PEG3: variants seen among roughly 807,000 people sequenced by gnomAD.
PEG3 encodes the protein paternally expressed 3.
A neutral mutation model predicts 35.5 loss-of-function variants in PEG3; 23 were observed. That is an observed-to-expected ratio of 0.65 (90% CI 0.47 to 0.92). The LOEUF (loss-of-function observed/expected upper bound fraction) is 0.92, where lower values mean the gene tolerates loss of function less well. PEG3 is among the 40% of genes least tolerant of loss of function. The probability of loss-of-function intolerance (pLI) is 0.00; values close to 1 mark genes in which losing one functional copy is unlikely to be tolerated. For missense variants in PEG3, 1,960 were observed against 1,985.3 expected, an observed-to-expected ratio of 0.99 and a Z score of 0.24; for synonymous variants, 707 against 697.0, an observed-to-expected ratio of 1.01 and a Z score of -0.23.
chr19:56,830,838 T>A (rs570183195), intron 2 of PEG3, among the ~76,000 whole-genome samples: 14 of 152,156 alleles, frequency 9.2e-5, no homozygotes, highest in African/African-American at 3.4e-4. Flanking sequence ...AAGAGGCTGA[T>A]GCAGGGGGGC....
intron 5 of PEG3, 67 bp downstream of exon 5, chr19:56,823,526 T>A: frequency 6.3e-7 from 1 of 1,597,488 alleles, no homozygotes; most frequent in Non-Finnish European, 8.6e-7. Context: ...CAACCCACTG[T>A]GTCTCCATCT....
chr19:56,813,938 C>T lies in PEG3; in HGVS notation c.4504G>A (p.Glu1502Lys). 1 of 1,614,160 alleles carries T rather than the reference C, an allele frequency of 6.2e-7. No homozygotes were observed. Among genetic ancestry groups the T allele is most frequent in the Non-Finnish European group, 8.5e-7 (1 of 1,180,020 alleles). Residue 1502 changes from glutamate to lysine, a missense_variant, in exon 10 of 10, where the codon GAA (glutamate) becomes AAA (lysine). Physicochemically the swap from Glu to Lys is moderately conservative, Grantham distance 56. Coordinates refer to ENST00000326441, the MANE Select transcript of PEG3 (RefSeq NM_006210.3). Reference sequence around the variant, plus strand: ...CATTCATGGCAGTCATAGTATGGTTCTTCTACCTGAATCTCTTGATCTTCA... The same window carrying T: ...CATTCATGGCAGTCATAGTATGGTTTTTCTACCTGAATCTCTTGATCTTCA... Reference protein sequence around the residue: ...EGEDQEIQVEEPYYDCHECTE... With the variant: ...EGEDQEIQVEKPYYDCHECTE...
In PEG3 at chr19:56,810,415, C is replaced by A; in HGVS notation, c.*3260G>T. On this transcript the variant is annotated 3_prime_UTR_variant, in exon 10 of 10. Transcript: ENST00000326441. ...CAACTATTTCTTGTTTTTCATCTTTCTTCCCATCTTTGACATTTATGCATA... is the reference window on the plus strand; with the variant it reads ...CAACTATTTCTTGTTTTTCATCTTTATTCCCATCTTTGACATTTATGCATA... 1 of 985,094 alleles carries A rather than the reference C, an allele frequency of 1.0e-6. No homozygotes were observed. Among genetic ancestry groups the A allele is most frequent in the African/African-American group, 1.7e-5 (1 of 57,346 alleles). 61.0% of individuals were successfully genotyped at this position (985,094 alleles called of 1,614,324 possible).
Position 56,814,303 on chromosome 19 carries a change from A to C in PEG3, c.4139T>G (p.Val1380Gly). The C allele has an allele frequency of 6.2e-7, 1 of 1,614,126 alleles. No individual in the cohort carries two copies. Among genetic ancestry groups the C allele is most frequent in the Non-Finnish European group, 8.5e-7 (1 of 1,180,042 alleles). The change falls in exon 10 of 10, where the codon GTT becomes GGT. Residue 1380 changes from valine to glycine, a missense_variant. By Grantham distance (109) the Val-to-Gly change is moderately radical. Around this residue, in one of 5 missense-constraint regions of PEG3, gnomAD observed 416 missense variants for 416.7 expected, o/e 1.00. Transcript: ENST00000326441. This position sits in a 1 kb window ranked among gnomAD's most constrained non-coding sequence, Gnocchi z 5.8. The stretch of plus-strand genomic sequence containing the variant: ...CTGAATCCTCAGAACTACTTGTGGA[A>C]CATGGACATTGGCTTCAACTTCCTG... ...AAQEVEANVHVPQVVLRIQGL... is the reference protein window; with the variant it reads ...AAQEVEANVHGPQVVLRIQGL...
Position 56,820,217 on chromosome 19 carries a change from ACATGAT to A in PEG3, c.669+1428_669+1433del, listed in dbSNP as rs567396923. Among the ~76,000 whole-genome samples the A allele has an allele frequency of 2.6e-5, 4 of 152,380 alleles. No homozygotes were observed. In the East Asian group the frequency reaches 7.7e-4, roughly 29 times the overall value. On this transcript the variant is annotated intron_variant, in intron 7 of 9. Transcript: ENST00000326441. ...AGTATGGCTCAATGTAGTTTTCACA[ACATGAT>A]CTATACATGTGAACAATTAAGAAAT...
At chr19:56,839,537 C>G (rs911557968) in intron 1 of PEG3, among the ~76,000 whole-genome samples, 1 of 152,018 alleles carries the variant, frequency 6.6e-6, no homozygotes, top group Non-Finnish European at 1.5e-5. Flanking sequence ...CAGCAGCCCC[C>G]ATCAAACATG....
intron 1 of PEG3, among the ~76,000 whole-genome samples, chr19:56,837,192 T>C (rs566124939): frequency 6.6e-6 from 1 of 152,172 alleles, no homozygotes; most frequent in South Asian, 2.1e-4. Context: ...GGCAGCCCTC[T>C]AGCGGCTCTG....
At position 56,811,848 on chromosome 19, in the gene PEG3, A is replaced by C. The variant is rs527266492; in HGVS notation, c.*1827T>G. The C allele has an allele frequency of 3.0e-6, 3 of 985,508 alleles. No homozygotes were observed. The African/African-American group carries it at 5.2e-5, about 17-fold the overall frequency. The allele number at this position is 985,508 out of a possible 1,614,324, so 61.0% of individuals were successfully genotyped here. On this transcript the variant is annotated 3_prime_UTR_variant, in exon 10 of 10. Transcript: ENST00000326441. Reference sequence around the variant, plus strand: ...CATTCTCAGAAACCTGGCCTTCTACAGTTCTTGCCTCTGGTGTTTTCTTCT... The same window carrying C: ...CATTCTCAGAAACCTGGCCTTCTACCGTTCTTGCCTCTGGTGTTTTCTTCT...
Position 56,813,409 on chromosome 19 carries a change from G to A in PEG3, c.*266C>T. On this transcript the variant is annotated 3_prime_UTR_variant, in exon 10 of 10. Transcript: ENST00000326441. ...CTCTGTAGTCTGGAATACTCATAGG[G>A]TTTTCTCAATCTGATTACTTGGAAA... The A allele has an allele frequency of 7.9e-7, 1 of 1,271,246 alleles. No homozygotes were observed. The highest frequency in any genetic ancestry group is 9.9e-7 in the Non-Finnish European group (1 of 1,006,276). The allele number at this position is 1,271,246 out of a possible 1,614,324, so 78.7% of individuals were successfully genotyped here.
At chr19:56,819,489 G>A (rs1272481563) in intron 7 of PEG3, among the ~76,000 whole-genome samples, 1 of 152,204 alleles carries the variant, frequency 6.6e-6, no homozygotes, top group Non-Finnish European at 1.5e-5. Context: ...TGGTTTCAGG[G>A]AGTCATGGTC....
At chr19:56,834,569 C>T (rs2061890341) in intron 2 of PEG3, among the ~76,000 whole-genome samples, 1 of 152,188 alleles carries the variant, frequency 6.6e-6, no homozygotes, top group Admixed American at 6.5e-5. Flanking sequence ...ACAGGAACAT[C>T]CTATTTCAAG....
Position 56,817,739 on chromosome 19 carries a change from T to G in PEG3, c.862+7A>C. On this transcript the variant is annotated splice_region_variant and intron_variant, in intron 9 of 9. Coordinates refer to ENST00000326441, the MANE Select transcript of PEG3 (RefSeq NM_006210.3). ...TGGCTCCTCTGTGGGATGTGCCTCCTGCTTACCTCGACTGGTGCTTGGGTA... is the reference window on the plus strand; with the variant it reads ...TGGCTCCTCTGTGGGATGTGCCTCCGGCTTACCTCGACTGGTGCTTGGGTA... The G allele has an allele frequency of 6.2e-7, 1 of 1,613,098 alleles. No individual in the cohort carries two copies. Among genetic ancestry groups the G allele is most frequent in the Non-Finnish European group, 8.5e-7 (1 of 1,179,074 alleles).
chr19:56,831,150 G>C (rs935903355), intron 2 of PEG3, among the ~76,000 whole-genome samples: 1 of 152,062 alleles, frequency 6.6e-6, no homozygotes, highest in African/African-American at 2.4e-5. Flanking sequence ...GTGGGAGGTG[G>C]TTTGTCTGTA....
Position 56,811,969 on chromosome 19 carries a change from C to T in PEG3, c.*1706G>A, listed in dbSNP as rs1488221045. 5 of 985,426 alleles carry T rather than the reference C, an allele frequency of 5.1e-6. No homozygotes were observed. The East Asian group carries it at 3.4e-4, about 67-fold the overall frequency. 61.0% of individuals were successfully genotyped at this position (985,426 alleles called of 1,614,324 possible). On this transcript the variant is annotated 3_prime_UTR_variant, in exon 10 of 10. Transcript: ENST00000326441. ...TTCTTGCTCTCAGCTCTACAATCTT[C>T]CTAAACTTTGACACTCCCTGCATCT...
At chr19:56,825,413 T>A (rs1266686974) in intron 3 of PEG3, among the ~76,000 whole-genome samples, 1 of 152,276 alleles carries the variant, frequency 6.6e-6, no homozygotes, top group South Asian at 2.1e-4. Context: ...AAAGGTCTAA[T>A]CTGTCTAAAA....
chr19:56,819,566 A>G (rs2146262180), intron 7 of PEG3, among the ~76,000 whole-genome samples: 1 of 152,316 alleles, frequency 6.6e-6, no homozygotes, highest in South Asian at 2.1e-4. Context: ...GGAAGCCCAC[A>G]GGCTTTGGAG....
At chr19:56,833,455 T>G in intron 2 of PEG3, 1 of 317,100 alleles carries the variant, frequency 3.2e-6, no homozygotes, top group Non-Finnish European at 6.2e-6. Flanking sequence ...AGCACGCACA[T>G]GGAGTAAGAT....
intron 2 of PEG3, among the ~76,000 whole-genome samples, chr19:56,834,694 A>G (rs1050753840): frequency 1.3e-5 from 2 of 152,170 alleles, no homozygotes; most frequent in Admixed American, 1.3e-4. Flanking sequence ...ACCATAATGC[A>G]TATCTTGAGC....
chr19:56,829,614 A>G (rs1431131233), intron 2 of PEG3, among the ~76,000 whole-genome samples: 2 of 152,230 alleles, frequency 1.3e-5, no homozygotes, highest in East Asian at 1.9e-4. Flanking sequence ...CTTCTCCTGC[A>G]GGGCTACCTG....
Sources: allele counts gnomAD v4.1 joint callset (sites outside exome capture counted in the v4.1 genomes callset), GRCh38; gene constraint gnomAD v4.1.1; regional missense constraint gnomAD v4.1.1; non-coding constraint Gnocchi (gnomAD v3.1); transcripts MANE v1.5; gene names NCBI Gene and HGNC (gene_info 2026-07-23, HGNC 2026-07-21).